Variants in SLC44A3 observed in about 807,000 individuals in gnomAD.
SLC44A3 encodes choline transporter-like protein 3.
In SLC44A3, 74 loss-of-function variants were observed where a neutral mutation model predicts 75.4. The observed-to-expected ratio is 0.98, with a 90% confidence interval of 0.81 to 1.19. SLC44A3 has a LOEUF of 1.19. Among genes scored for constraint, SLC44A3 ranks in the 50% most tolerant of loss-of-function variants. The pLI is 0.00. For synonymous variants in SLC44A3, 310 were observed against 296.9 expected (o/e 1.04, Z -0.45); for missense variants, 700 against 778.6 (o/e 0.90, Z 1.20).
At chr1:94,857,299 C>T (rs1665993776) in intron 9 of SLC44A3, 36 bp from the exon 10 acceptor site, 1 of 1,535,776 alleles carries the variant, frequency 6.5e-7, no homozygotes, top group South Asian at 1.3e-5. Context: ...CTTAGGAAAA[C>T]ATTGGTGTAA....
intron 2 of SLC44A3, among the ~76,000 whole-genome samples, chr1:94,822,014 G>A (rs12097196): frequency 0.17 from 25,904 of 152,138 alleles, 2,384 homozygotes; most frequent in African/African-American, 0.21. Flanking sequence ...CCTAGGAGCT[G>A]GGAGAGACAG....
At chr1:94,821,279 T>C (rs1478089425) in intron 2 of SLC44A3, among the ~76,000 whole-genome samples, 2 of 152,186 alleles carry the variant, frequency 1.3e-5, no homozygotes, top group African/African-American at 2.4e-5. Context: ...CATTAGGAAA[T>C]GGGAATTAAC....
chr1:94,868,804 G>C (rs750562821), intron 12 of SLC44A3, among the ~76,000 whole-genome samples: 1 of 152,270 alleles, frequency 6.6e-6, no homozygotes, highest in East Asian at 1.9e-4. Context: ...CAAGGCCCGA[G>C]GGTTGACCTG....
intron 8 of SLC44A3, among the ~76,000 whole-genome samples, chr1:94,844,454 C>A (rs1664123633): frequency 6.6e-6 from 1 of 152,076 alleles, no homozygotes; most frequent in Non-Finnish European, 1.5e-5. Context: ...ATAGGAGATA[C>A]CCCCAGAAGA....
chr1:94,874,463 G>T (rs1335761923), intron 12 of SLC44A3, among the ~76,000 whole-genome samples: 1 of 152,204 alleles, frequency 6.6e-6, no homozygotes, highest in Admixed American at 6.5e-5. Flanking sequence ...ATGTTAAATT[G>T]GACTCTGAAG....
intron 2 of SLC44A3, among the ~76,000 whole-genome samples, chr1:94,822,647 G>C (rs929010753): frequency 6.6e-6 from 1 of 151,860 alleles, no homozygotes; most frequent in African/African-American, 2.4e-5. Context: ...GCACCAGCCT[G>C]TGTTTATATT....
intron 12 of SLC44A3, among the ~76,000 whole-genome samples, chr1:94,869,629 G>A (rs1667545917): frequency 1.3e-5 from 2 of 152,018 alleles, no homozygotes; most frequent in South Asian, 4.1e-4. Context: ...GTCACCTCTG[G>A]TCTACATTGA....
intron 12 of SLC44A3, among the ~76,000 whole-genome samples, chr1:94,883,314 A>G (rs1419964196): frequency 2.0e-5 from 3 of 152,152 alleles, no homozygotes; most frequent in Admixed American, 1.3e-4. Flanking sequence ...CAGCCTGGGC[A>G]ATATGGCATG....
In SLC44A3 at chr1:94,846,614, G is replaced by C. The variant is rs556424006; in HGVS notation, c.1072+1150G>C. On this transcript the variant is annotated intron_variant, in intron 9 of 14. Coordinates refer to ENST00000271227, the MANE Select transcript of SLC44A3 (RefSeq NM_001114106.3). ...GCTTTTTATCTTACTAACAATGTGA[G>C]GTTAGACAGCTTTTCTGTGGACCAC... is the stretch of plus-strand genomic sequence containing the variant. Among the ~76,000 whole-genome samples, 15 of 152,312 alleles carry C rather than the reference G, an allele frequency of 9.8e-5. No individual in the cohort carries two copies. The South Asian group carries it at 1.0e-3, about 11-fold the overall frequency.
intron 12 of SLC44A3, among the ~76,000 whole-genome samples, chr1:94,881,442 T>C (rs186091504): frequency 2.7e-4 from 41 of 152,310 alleles, no homozygotes; most frequent in Admixed American, 2.4e-3. Context: ...CGGTGGCTGA[T>C]GCCTGTAATC....
intron 9 of SLC44A3, among the ~76,000 whole-genome samples, chr1:94,856,580 G>A (rs1665898444): frequency 6.6e-6 from 1 of 152,198 alleles, no homozygotes; most frequent in African/African-American, 2.4e-5. Flanking sequence ...AAAGCTTTGT[G>A]TGGTTTCATC....
chr1:94,855,893 T>C (rs1665810245), intron 9 of SLC44A3, among the ~76,000 whole-genome samples: 1 of 152,240 alleles, frequency 6.6e-6, no homozygotes, highest in African/African-American at 2.4e-5. Context: ...GACCAGAGCA[T>C]GCATCTTCTT....
intron 5 of SLC44A3, among the ~76,000 whole-genome samples, chr1:94,834,794 A>T (rs1382361994): frequency 6.6e-6 from 1 of 152,172 alleles, no homozygotes; most frequent in African/African-American, 2.4e-5. Flanking sequence ...GAAAGGGATA[A>T]ATCTTTACTT....
At chr1:94,886,709 C>T (rs1188369517) in intron 12 of SLC44A3, among the ~76,000 whole-genome samples, 1 of 152,128 alleles carries the variant, frequency 6.6e-6, no homozygotes, top group Non-Finnish European at 1.5e-5. Context: ...CACAGGGCGT[C>T]CTCATTGTGT....
At chr1:94,859,987 A>G (rs1029260547) in intron 10 of SLC44A3, among the ~76,000 whole-genome samples, 14 of 152,240 alleles carry the variant, frequency 9.2e-5, no homozygotes, top group African/African-American at 2.7e-4. Context: ...AACAAGCAAC[A>G]TGCCTCACAC....
At chr1:94,873,206 C>T (rs978682752) in intron 12 of SLC44A3, among the ~76,000 whole-genome samples, 4 of 152,152 alleles carry the variant, frequency 2.6e-5, no homozygotes, top group African/African-American at 7.2e-5. Flanking sequence ...AAGATAGCTG[C>T]GAGCCTGATG....
intron 12 of SLC44A3, among the ~76,000 whole-genome samples, chr1:94,873,460 C>A (rs1258244532): frequency 6.6e-6 from 1 of 152,158 alleles, no homozygotes; most frequent in Non-Finnish European, 1.5e-5. Context: ...CAGAGAAAAA[C>A]CTGCTGCTTC....
chr1:94,854,196 AG>A (rs1665566614), intron 9 of SLC44A3, among the ~76,000 whole-genome samples: 1 of 152,230 alleles, frequency 6.6e-6, no homozygotes, highest in South Asian at 2.1e-4. Context: ...TTTCAAAAAA[AG>A]TCCCACTATT....
intron 9 of SLC44A3, among the ~76,000 whole-genome samples, chr1:94,853,625 C>A (rs935466283): frequency 6.6e-6 from 1 of 152,012 alleles, no homozygotes; most frequent in African/African-American, 2.4e-5. Context: ...ATTATGGACC[C>A]GTGTTGATAG....
Sources: allele counts gnomAD v4.1 joint callset (sites outside exome capture counted in the v4.1 genomes callset), GRCh38; gene constraint gnomAD v4.1.1; transcripts MANE v1.5; gene names NCBI Gene and HGNC (gene_info 2026-07-23, HGNC 2026-07-21).